FBXL17: variants seen among roughly 807,000 people sequenced by gnomAD.
FBXL17 encodes F-box and leucine rich repeat protein 17.
Under a neutral mutation model 66.2 loss-of-function variants are expected in FBXL17, and 22 were observed. The observed-to-expected ratio is 0.33, with a 90% CI of 0.24 to 0.47. FBXL17 has a LOEUF of 0.47. FBXL17 is among the 20% of genes least tolerant of loss of function. FBXL17 has a pLI of 1.00. For synonymous variants in FBXL17, 474 were observed against 400.5 expected, an observed-to-expected ratio of 1.18 and a Z score of -2.19; for missense variants, 878 against 948.2, an observed-to-expected ratio of 0.93 and a Z score of 0.97.
At chr5:108,271,789 G>A (rs1037597865) in intron 4 of FBXL17, among the ~76,000 whole-genome samples, 1 of 152,130 alleles carries the variant, frequency 6.6e-6, no homozygotes, top group Non-Finnish European at 1.5e-5. Context: ...TAGAACTAGG[G>A]AGGAAGCGTT....
At position 107,931,291 on chromosome 5, in the gene FBXL17, C is replaced by T. The variant is rs886642017; in HGVS notation, c.1823-50112G>A. ...TTTTTTTTTTTGAGACAGGGTCTCACTGTCATTGCCCAGGCTGGAGTGCAG... is the reference window on the plus strand; with the variant it reads ...TTTTTTTTTTTGAGACAGGGTCTCATTGTCATTGCCCAGGCTGGAGTGCAG... On this transcript the variant is annotated intron_variant, in intron 7 of 8. Transcript: ENST00000542267. Among the ~76,000 whole-genome samples, 3 of 145,880 alleles carry T rather than the reference C, an allele frequency of 2.1e-5. No homozygotes were observed. In the Admixed American group the frequency reaches 2.1e-4, roughly 10 times the overall value.
At chr5:108,366,738 G>C (rs563530597) in intron 2 of FBXL17, among the ~76,000 whole-genome samples, 1 of 151,966 alleles carries the variant, frequency 6.6e-6, no homozygotes, top group Non-Finnish European at 1.5e-5. Context: ...GGATATAAAG[G>C]TCATGAACCC....
At chr5:108,356,668 G>C (rs186800856) in intron 3 of FBXL17, among the ~76,000 whole-genome samples, 4 of 152,090 alleles carry the variant, frequency 2.6e-5, no homozygotes, top group Admixed American at 2.6e-4. Context: ...GAGTTAGAGG[G>C]GAGGAGCGAA....
intron 7 of FBXL17, among the ~76,000 whole-genome samples, chr5:107,976,826 A>T (rs1045168890): frequency 2.0e-5 from 3 of 152,218 alleles, no homozygotes; most frequent in African/African-American, 7.2e-5. Flanking sequence ...CTCAAGCCAT[A>T]TAAGCTAGAG....
intron 7 of FBXL17, among the ~76,000 whole-genome samples, chr5:107,950,751 C>T (rs889044504): frequency 2.0e-5 from 3 of 152,044 alleles, no homozygotes; most frequent in Non-Finnish European, 2.9e-5. Flanking sequence ...TGCTATTAAC[C>T]TCAAAATAGG....
At chr5:108,154,600 A>AT (rs1751900265) in intron 6 of FBXL17, among the ~76,000 whole-genome samples, 2 of 74,790 alleles carry the variant, frequency 2.7e-5, no homozygotes, top group Non-Finnish European at 5.1e-5. Flanking sequence ...CAAAAAAAAA[A>AT]AAAAAAATAT....
chr5:108,335,355 T>A (rs1158051885), intron 4 of FBXL17, among the ~76,000 whole-genome samples: 6 of 142,914 alleles, frequency 4.2e-5, no homozygotes, highest in Non-Finnish European at 9.1e-5. Flanking sequence ...AAAAAAAAAA[T>A]ACGTTTTTTT....
Position 107,907,140 on chromosome 5 carries a change from A to G in FBXL17, c.1823-25961T>C, listed in dbSNP as rs137943650. On this transcript the variant is annotated intron_variant, in intron 7 of 8. Coordinates refer to ENST00000542267, the MANE Select transcript of FBXL17 (RefSeq NM_001163315.3). ...GCACCTTCCTACCCTGTTGTCCTCTACCTCTCCTTGACCATACCATCCATT... is the reference window on the plus strand; with the variant it reads ...GCACCTTCCTACCCTGTTGTCCTCTGCCTCTCCTTGACCATACCATCCATT... Among the ~76,000 whole-genome samples the G allele has an allele frequency of 6.4e-4, 97 of 152,256 alleles. 1 individual carries two copies. The East Asian group carries it at 0.011, about 17-fold the overall frequency.
intron 6 of FBXL17, among the ~76,000 whole-genome samples, chr5:108,062,877 A>T (rs1378361878): frequency 6.6e-6 from 1 of 152,178 alleles, no homozygotes; most frequent in Non-Finnish European, 1.5e-5. Flanking sequence ...TCACCTCATT[A>T]TTATGTAAAT....
intron 7 of FBXL17, among the ~76,000 whole-genome samples, chr5:107,983,908 G>A (rs1273179647): frequency 6.6e-6 from 1 of 151,822 alleles, no homozygotes; most frequent in African/African-American, 2.4e-5. Flanking sequence ...AGGTGGGGAG[G>A]GTATCCTGGA....
At chr5:108,007,387 C>A (rs1163219339) in intron 7 of FBXL17, among the ~76,000 whole-genome samples, 2 of 152,146 alleles carry the variant, frequency 1.3e-5, no homozygotes, top group African/African-American at 4.8e-5. Flanking sequence ...CTAGAGTCCA[C>A]ACAAATCATA....
At chr5:108,179,317 A>G (rs1189487927) in intron 6 of FBXL17, among the ~76,000 whole-genome samples, 1 of 152,188 alleles carries the variant, frequency 6.6e-6, no homozygotes, top group Non-Finnish European at 1.5e-5. Context: ...CTTTATATAA[A>G]GCCACGTTGA....
At chr5:108,174,560 G>C (rs1007597749) in intron 6 of FBXL17, among the ~76,000 whole-genome samples, 2 of 151,990 alleles carry the variant, frequency 1.3e-5, no homozygotes, top group Non-Finnish European at 2.9e-5. Flanking sequence ...TTTTGCACCA[G>C]AGCAATTAAC....
Position 108,186,250 on chromosome 5 carries a change from A to G in FBXL17, c.1615-3T>C. The G allele has an allele frequency of 6.2e-7, 1 of 1,605,626 alleles. No homozygotes were observed. Among genetic ancestry groups the G allele is most frequent in the Non-Finnish European group, 8.5e-7 (1 of 1,176,004 alleles). On this transcript the variant is annotated splice_region_variant and splice_polypyrimidine_tract_variant and intron_variant, in intron 5 of 8. Coordinates refer to ENST00000542267, the MANE Select transcript of FBXL17 (RefSeq NM_001163315.3). ...TCCAAGCTGGAAAGGTTTCTTAGCT[A>G]ATGAGATAAATAAAATGAAAGATGA...
chr5:108,136,081 G>A (rs952739304), intron 6 of FBXL17, among the ~76,000 whole-genome samples: 2 of 152,028 alleles, frequency 1.3e-5, no homozygotes, highest in Non-Finnish European at 2.9e-5. Flanking sequence ...GACTTTTGAA[G>A]AAAACATTTT....
chr5:108,158,509 C>CTGTGTGTG (rs3984948), intron 6 of FBXL17, among the ~76,000 whole-genome samples: 33 of 149,304 alleles, frequency 2.2e-4, no homozygotes, highest in South Asian at 8.5e-4. Flanking sequence ...GTGTGTGTGT[C>CTGTGTGTG]TGTGTGTGTG....
At chr5:108,198,105 G>C (rs569182330) in intron 5 of FBXL17, among the ~76,000 whole-genome samples, 78 of 152,162 alleles carry the variant, frequency 5.1e-4, no homozygotes, top group African/African-American at 1.9e-3. Context: ...CTAATATGTG[G>C]AGAAACACCA....
chr5:108,155,820 C>T (rs1197689117), intron 6 of FBXL17, among the ~76,000 whole-genome samples: 1 of 152,030 alleles, frequency 6.6e-6, no homozygotes, highest in Non-Finnish European at 1.5e-5. Flanking sequence ...TTAAGGAATC[C>T]ATCTTGCAAT....
At chr5:108,002,957 A>C (rs1197138946) in intron 7 of FBXL17, among the ~76,000 whole-genome samples, 2 of 152,230 alleles carry the variant, frequency 1.3e-5, no homozygotes, top group African/African-American at 4.8e-5. Flanking sequence ...GAGTGAAAGA[A>C]AGTTTTAAAA....
Sources: gnomAD v4.1 joint callset for allele counts (sites outside exome capture counted in the v4.1 genomes callset) on GRCh38, gnomAD v4.1.1 for gene constraint, MANE v1.5 for transcripts, NCBI Gene and HGNC (gene_info 2026-07-23, HGNC 2026-07-21) for gene names.